ANKRD18B: variants seen among roughly 807,000 people sequenced by gnomAD.
The protein encoded by ANKRD18B is ankyrin repeat domain 18B.
ANKRD18B carries 75 observed loss-of-function variants against 111.8 expected under a neutral mutation model. The ratio of observed to expected loss-of-function variants is 0.67; its 90% CI spans 0.56 to 0.81. The LOEUF (loss-of-function observed/expected upper bound fraction) is 0.81. Among genes scored for constraint, ANKRD18B ranks in the 40% least tolerant of loss-of-function variants. ANKRD18B has a pLI of 0.00. For synonymous variants in ANKRD18B, 356 were observed against 417.3 expected (o/e 0.85, Z 1.79); for missense variants, 1,038 against 1,225.5 (o/e 0.85, Z 2.28).
chr9:33,534,339 C>G (rs990058113), intron 4 of ANKRD18B, 31 bp from the exon 5 acceptor site: 7 of 1,510,340 alleles, frequency 4.6e-6, no homozygotes, highest in Non-Finnish European at 6.2e-6. Flanking sequence ...TATCAAAGTT[C>G]TTGAGTGCTG....
chr9:33,548,310 T>G lies in ANKRD18B; in HGVS notation c.1522T>G (p.Leu508Val), dbSNP rs1342526254. Residue 508 changes from leucine to valine, a missense_variant, in exon 11 of 19, where the codon TTG (leucine) becomes GTG (valine). Coordinates refer to ENST00000684830, the MANE Select transcript of ANKRD18B (RefSeq NM_001393611.1). ...ATAINEYNEI[L>V]ERKDLELVLW... ...TGCTATAAATGAGTACAATGAAATT[T>G]TGGAAAGAAAAGACCTAGAACTAGT... 5 of 1,549,368 alleles carry G rather than the reference T, an allele frequency of 3.2e-6. No individual in the cohort carries two copies. The highest frequency in any genetic ancestry group is 2.4e-5 in the South Asian group (2 of 83,308).
chr9:33,556,881 A>G (rs1828535112), intron 13 of ANKRD18B, among the ~76,000 whole-genome samples: 1 of 152,184 alleles, frequency 6.6e-6, no homozygotes, highest in Non-Finnish European at 1.5e-5. Flanking sequence ...TATACATCTT[A>G]TTAAACTTCT....
intron 13 of ANKRD18B, among the ~76,000 whole-genome samples, chr9:33,556,515 G>A (rs1412030180): frequency 6.6e-6 from 1 of 152,128 alleles, no homozygotes; most frequent in Non-Finnish European, 1.5e-5. Flanking sequence ...ACCTGCCTCA[G>A]CCTCCCAAAG....
In ANKRD18B at chr9:33,532,983, T is replaced by G. The variant is rs1381939863; in HGVS notation, c.496-456T>G. Among the ~76,000 whole-genome samples, 5 of 152,204 alleles carry G rather than the reference T, an allele frequency of 3.3e-5. No homozygotes were observed. The East Asian group carries it at 9.6e-4, about 29-fold the overall frequency. ...ACAGTTCTTTCGGTAAAACAACTACTCTTTGAAATATAGTTTAAGAAACAC... is the reference window on the plus strand; with the variant it reads ...ACAGTTCTTTCGGTAAAACAACTACGCTTTGAAATATAGTTTAAGAAACAC... On this transcript the variant is annotated intron_variant, in intron 3 of 18. Transcript: ENST00000684830.
chr9:33,558,279 G>A, intron 14 of ANKRD18B, 92 bp downstream of exon 14: 1 of 1,403,686 alleles, frequency 7.1e-7, no homozygotes, highest in South Asian at 1.4e-5. Context: ...TGCCATGATG[G>A]TTTGCTGCAC....
chr9:33,570,651 T>C (rs1389364261), intron 17 of ANKRD18B, among the ~76,000 whole-genome samples: 1 of 151,336 alleles, frequency 6.6e-6, no homozygotes, highest in Non-Finnish European at 1.5e-5. Context: ...TTCTTTTTTT[T>C]TTTTTGAGAT....
chr9:33,524,787 C>G, intron 1 of ANKRD18B, 92 bp downstream of exon 1: 7 of 1,439,576 alleles, frequency 4.9e-6, no homozygotes, highest in Non-Finnish European at 6.5e-6. Flanking sequence ...CGCCGGGACC[C>G]TGGGAGCCGC....
rs1403587459 is a variant in ANKRD18B at position 33,548,071 on chromosome 9, A to C, written c.1283A>C (p.Gln428Pro). ...DSLRKEKKYI[Q>P]EIKSITEINA... Reference sequence around the variant, plus strand: ...CTCAGAAAGGAAAAGAAATATATTCAGGAAATTAAAAGTATTACAGAAATA... The same window carrying C: ...CTCAGAAAGGAAAAGAAATATATTCCGGAAATTAAAAGTATTACAGAAATA... The change falls in exon 11 of 19, where the codon CAG (glutamine) becomes CCG (proline). Residue 428 changes from glutamine to proline, a missense_variant. By Grantham distance (76) the Gln-to-Pro change is moderately conservative. Coordinates refer to ENST00000684830, the MANE Select transcript of ANKRD18B (RefSeq NM_001393611.1). 2.0e-6 allele frequency: 3 copies of C among 1,537,374 alleles called. No homozygotes were observed. The South Asian group carries it at 3.8e-5, about 19-fold the overall frequency.
chr9:33,531,210 A>G (rs979398691), intron 3 of ANKRD18B, among the ~76,000 whole-genome samples: 2 of 152,186 alleles, frequency 1.3e-5, no homozygotes, highest in Non-Finnish European at 2.9e-5. Flanking sequence ...GCAAATGAAT[A>G]AATGTTGGGA....
chr9:33,555,860 A>G (rs545560584), intron 13 of ANKRD18B, 40 bp downstream of exon 13: 18 of 1,252,628 alleles, frequency 1.4e-5, no homozygotes, highest in Middle Eastern at 5.2e-4. Context: ...GCCATTTAGT[A>G]ATTGATTTAA....
chr9:33,567,807 G>A (rs938333906), intron 16 of ANKRD18B, among the ~76,000 whole-genome samples: 1 of 152,190 alleles, frequency 6.6e-6, no homozygotes, highest in African/African-American at 2.4e-5. Flanking sequence ...GGTACCTCAA[G>A]AAAAACTATT....
chr9:33,531,994 G>T (rs1483797998), intron 3 of ANKRD18B, among the ~76,000 whole-genome samples: 1 of 152,090 alleles, frequency 6.6e-6, no homozygotes, highest in Non-Finnish European at 1.5e-5. Context: ...CAGCACTTTG[G>T]GAGGCCGAGG....
In ANKRD18B at chr9:33,524,565, C is replaced by G; in HGVS notation, c.76C>G (p.Arg26Gly). 6.4e-7 allele frequency: 1 copy of G among 1,551,360 alleles called. No individual in the cohort carries two copies. Among genetic ancestry groups the G allele is most frequent in the Non-Finnish European group, 8.7e-7 (1 of 1,146,812 alleles). The stretch of plus-strand genomic sequence containing the variant: ...CTCCATGGACCAAGAGTATGCGGGT[C>G]GGGGGTACCACATTCGGGACTGGGA... ...LSSMDQEYAG[R>G]GYHIRDWELR... The change falls in exon 1 of 19, where the codon CGG (arginine) becomes GGG (glycine). Residue 26 changes from arginine (R) to glycine (G), a missense_variant. Arg to Gly is a moderately radical substitution (Grantham distance 125). Around this residue, in one of 4 missense-constraint regions of ANKRD18B, gnomAD observed 216 missense variants for 205.1 expected, o/e 1.05. Transcript: ENST00000684830.
At chr9:33,542,391 T>C (rs1828292651) in intron 9 of ANKRD18B, among the ~76,000 whole-genome samples, 2 of 150,802 alleles carry the variant, frequency 1.3e-5, no homozygotes, top group African/African-American at 4.9e-5. Context: ...TTTTTTTTTT[T>C]CTGTTTTTGG....
intron 3 of ANKRD18B, among the ~76,000 whole-genome samples, chr9:33,529,402 CTTCTT>C (rs2087710295): frequency 2.0e-5 from 3 of 151,696 alleles, no homozygotes; most frequent in African/African-American, 4.8e-5. Context: ...GGTAAAACTT[CTTCTT>C]TTCAAGTATT....
At position 33,544,233 on chromosome 9, in the gene ANKRD18B, C is replaced by T. The variant is rs188621053; in HGVS notation, c.1149+978C>T. On this transcript the variant is annotated intron_variant, in intron 10 of 18. Coordinates refer to ENST00000684830, the MANE Select transcript of ANKRD18B (RefSeq NM_001393611.1). ...AGTGAGAGTTAAGCTTCCTGGTTCA[C>T]GTTTTTCCCCTATATTAAGCCAAGG... 5.5e-3 allele frequency among the ~76,000 whole-genome samples: 839 copies of T among 152,194 alleles called. 9 individuals are homozygous for T. Among genetic ancestry groups the T allele is most frequent in the African/African-American group, 0.019 (788 of 41,554 alleles).
intron 6 of ANKRD18B, 48 bp downstream of exon 6, chr9:33,536,993 G>A: frequency 7.1e-7 from 1 of 1,399,700 alleles, no homozygotes; most frequent in East Asian, 2.7e-5. Flanking sequence ...TGATCTTACT[G>A]ATTTTAAAAA....
Position 33,538,995 on chromosome 9 carries a change from G to A in ANKRD18B, c.809-454G>A, listed in dbSNP as rs192930602. Among the ~76,000 whole-genome samples, 441 of 152,212 alleles carry A rather than the reference G, an allele frequency of 2.9e-3. 3 individuals are homozygous for A. Among genetic ancestry groups the A allele is most frequent in the African/African-American group, 1.0e-2 (415 of 41,520 alleles). Reference sequence around the variant, plus strand: ...AATTGACATAGTTTTTGTCTTTAGGGTGCTCATAATAGAATATAGATAACT... The same window carrying A: ...AATTGACATAGTTTTTGTCTTTAGGATGCTCATAATAGAATATAGATAACT... On this transcript the variant is annotated intron_variant, in intron 6 of 18. Coordinates refer to ENST00000684830, the MANE Select transcript of ANKRD18B (RefSeq NM_001393611.1).
intron 6 of ANKRD18B, 31 bp downstream of exon 6, chr9:33,536,976 C>T: frequency 2.1e-6 from 3 of 1,432,302 alleles, no homozygotes; most frequent in Non-Finnish European, 2.8e-6. Flanking sequence ...TTTCTCATTT[C>T]CCTTGGTGAT....
Sources: allele counts gnomAD v4.1 joint callset (sites outside exome capture counted in the v4.1 genomes callset), GRCh38; gene constraint gnomAD v4.1.1; regional missense constraint gnomAD v4.1.1; transcripts MANE v1.5; gene names NCBI Gene and HGNC (gene_info 2026-07-23, HGNC 2026-07-21).